Variants in ANKFN1 observed in about 807,000 individuals in gnomAD.
ANKFN1 encodes the protein ankyrin repeat and fibronectin type III domain containing 1.
In ANKFN1, 74 loss-of-function variants were observed where a neutral mutation model predicts 108.7. The ratio of observed to expected loss-of-function variants is 0.68; its 90% confidence interval spans 0.56 to 0.83. ANKFN1 has a LOEUF of 0.83. Among genes scored for constraint, ANKFN1 ranks in the 40% least tolerant of loss-of-function variants. The probability of loss-of-function intolerance (pLI) is 0.00; values close to 1 mark genes in which losing one functional copy is unlikely to be tolerated. For missense variants in ANKFN1, 1,505 were observed against 1,382.3 expected (o/e 1.09, Z -1.41); for synonymous variants, 547 against 516.2 (o/e 1.06, Z -0.81).
At chr17:56,230,493 C>T (rs1408489490) in intron 3 of ANKFN1, among the ~76,000 whole-genome samples, 1 of 152,086 alleles carries the variant, frequency 6.6e-6, no homozygotes, top group Non-Finnish European at 1.5e-5. Flanking sequence ...TGGAGACCCT[C>T]CCTGTTTTAG....
In ANKFN1 at chr17:56,374,695, TG is replaced by T. The variant is rs1377105689; in HGVS notation, c.892del (p.Val298Ter). ...FQEPLSVNAA[V>X]VTRYKVEWSM... ...AAGAGCCTCTTAGCGTCAATGCAGC[TG>T]TAGTAACCAGGTATAAAGGTACTGG... is the stretch of plus-strand genomic sequence containing the variant. On this transcript the variant is annotated frameshift_variant, in exon 8 of 21. Transcript: ENST00000682825. LOFTEE classifies it high-confidence loss of function. 1.2e-5 allele frequency: 19 copies of T among 1,613,448 alleles called. No individual in the cohort carries two copies. The highest frequency in any genetic ancestry group is 1.5e-5 in the Non-Finnish European group (18 of 1,179,508).
intron 3 of ANKFN1, among the ~76,000 whole-genome samples, chr17:56,271,636 G>A (rs1000670827): frequency 4.6e-5 from 7 of 152,166 alleles, no homozygotes; most frequent in Admixed American, 6.5e-5. Flanking sequence ...TGCTGTGAGG[G>A]TGACCAGGAA....
intron 20 of ANKFN1, among the ~76,000 whole-genome samples, chr17:56,502,438 G>A (rs2051403658): frequency 6.6e-6 from 1 of 152,128 alleles, no homozygotes; most frequent in Non-Finnish European, 1.5e-5. Context: ...GCTCTCTTGG[G>A]TCCATTTACT....
chr17:56,308,364 A>G (rs1289690176), intron 3 of ANKFN1, among the ~76,000 whole-genome samples: 1 of 152,174 alleles, frequency 6.6e-6, no homozygotes, highest in Non-Finnish European at 1.5e-5. Flanking sequence ...CATTACTAGT[A>G]TACATAAATA....
intron 3 of ANKFN1, among the ~76,000 whole-genome samples, chr17:56,308,128 C>T (rs2044891815): frequency 1.3e-5 from 2 of 151,776 alleles, no homozygotes; most frequent in African/African-American, 4.8e-5. Flanking sequence ...TGGAGATATA[C>T]CTAATGTTAA....
intron 3 of ANKFN1, among the ~76,000 whole-genome samples, chr17:56,237,835 T>C (rs1917271219): frequency 6.6e-6 from 1 of 152,160 alleles, no homozygotes; most frequent in African/African-American, 2.4e-5. Context: ...GTTGGCTTTC[T>C]CTTGCTTCTC....
intron 8 of ANKFN1, among the ~76,000 whole-genome samples, chr17:56,438,553 G>A (rs1240835352): frequency 1.3e-5 from 2 of 151,990 alleles, no homozygotes; most frequent in Non-Finnish European, 2.9e-5. Flanking sequence ...TATAATTCAG[G>A]GTATAGTAAA....
chr17:56,089,434 G>A (rs1442719145), intron 4 of ANKFN1, among the ~76,000 whole-genome samples: 1 of 151,366 alleles, frequency 6.6e-6, no homozygotes, highest in African/African-American at 2.4e-5. Flanking sequence ...AAGCAGAATT[G>A]CATGCCAGAG....
intron 8 of ANKFN1, among the ~76,000 whole-genome samples, chr17:56,417,088 G>C (rs1365338642): frequency 6.6e-6 from 1 of 152,050 alleles, no homozygotes; most frequent in Non-Finnish European, 1.5e-5. Flanking sequence ...GGGGGGAATA[G>C]TGGGGGTGGT....
At chr17:56,231,793 CTG>C (rs1255972519) in intron 3 of ANKFN1, among the ~76,000 whole-genome samples, 3 of 152,098 alleles carry the variant, frequency 2.0e-5, no homozygotes, top group African/African-American at 7.2e-5. Context: ...TATGATTTTA[CTG>C]TGTGTGTGTT....
chr17:56,469,598 T>C (rs2050245361), intron 15 of ANKFN1, among the ~76,000 whole-genome samples: 1 of 152,084 alleles, frequency 6.6e-6, no homozygotes, highest in South Asian at 2.1e-4. Flanking sequence ...ACTCCACCCT[T>C]TCTGGTTATG....
At chr17:56,056,074 T>C (rs1291771117) in intron 4 of ANKFN1, among the ~76,000 whole-genome samples, 1 of 152,076 alleles carries the variant, frequency 6.6e-6, no homozygotes, top group Non-Finnish European at 1.5e-5. Flanking sequence ...TTAATGTTTT[T>C]CTTTTTTCTT....
At position 56,083,749 on chromosome 17, in the gene ANKFN1, G is replaced by T. The variant is rs182206080; in HGVS notation, c.288+37424G>T. ...GTGGGGACGCAGAGCTAAGGTGGCT[G>T]AGGGAAAATCCAATCAGATGTTCAA... On this transcript the variant is annotated intron_variant, in intron 4 of 12. Coordinates refer to the ANKFN1 transcript ENST00000635860. 1.8e-4 allele frequency among the ~76,000 whole-genome samples: 27 copies of T among 151,440 alleles called. 1 individual carries two copies. The highest frequency in any genetic ancestry group is 2.4e-4 in the Non-Finnish European group (16 of 67,758).
intron 4 of ANKFN1, among the ~76,000 whole-genome samples, chr17:56,080,836 A>G (rs144463628): frequency 2.0e-5 from 3 of 152,368 alleles, no homozygotes; most frequent in East Asian, 3.9e-4. Context: ...GTATATGTCT[A>G]TAGTGTGCCA....
chr17:56,221,548 A>T (rs1915894929), intron 2 of ANKFN1, among the ~76,000 whole-genome samples: 1 of 152,224 alleles, frequency 6.6e-6, no homozygotes, highest in Non-Finnish European at 1.5e-5. Flanking sequence ...GTGTATACCA[A>T]GAACAATTTT....
In ANKFN1 at chr17:56,516,033, G is replaced by A. The variant is rs1458374287; in HGVS notation, c.*4764G>A. On this transcript the variant is annotated 3_prime_UTR_variant, in exon 21 of 21. Coordinates refer to ENST00000682825, the MANE Select transcript of ANKFN1 (RefSeq NM_001370326.1). ...AGTGGCAAAGGTTACGAAGCTATTAGTTAAGGCTCTTTGCTCCTCTTCCTG... is the reference window on the plus strand; with the variant it reads ...AGTGGCAAAGGTTACGAAGCTATTAATTAAGGCTCTTTGCTCCTCTTCCTG... Among the ~76,000 whole-genome samples, 1 of 152,118 alleles carries A rather than the reference G, an allele frequency of 6.6e-6. No individual in the cohort carries two copies. Among genetic ancestry groups the A allele is most frequent in the Non-Finnish European group, 1.5e-5 (1 of 68,020 alleles).
At chr17:56,235,375 A>G (rs975201263) in intron 3 of ANKFN1, among the ~76,000 whole-genome samples, 6 of 152,046 alleles carry the variant, frequency 3.9e-5, no homozygotes, top group South Asian at 4.1e-4. Context: ...CCATTTGTCA[A>G]CTTTTGCTTG....
At chr17:56,079,805 C>G (rs547073249) in intron 4 of ANKFN1, among the ~76,000 whole-genome samples, 3 of 151,468 alleles carry the variant, frequency 2.0e-5, no homozygotes, top group South Asian at 4.2e-4. Flanking sequence ...GCACAGAACT[C>G]TGAATCTAGT....
chr17:56,316,765 C>T (rs1173771968), intron 3 of ANKFN1, among the ~76,000 whole-genome samples: 2 of 152,232 alleles, frequency 1.3e-5, no homozygotes, highest in East Asian at 3.9e-4. Flanking sequence ...AGATTCCTCA[C>T]CCAAATCACC....
Sources: gnomAD v4.1 joint callset for allele counts (sites outside exome capture counted in the v4.1 genomes callset) on GRCh38, gnomAD v4.1.1 for gene constraint, MANE v1.5 for transcripts, NCBI Gene and HGNC (gene_info 2026-07-23, HGNC 2026-07-21) for gene names.